Variants in UBAC2 observed in about 807,000 individuals in gnomAD.
UBAC2 encodes the protein UBA domain containing 2, also known as ubiquitin-associated domain-containing protein 2.
UBAC2 carries 26 observed loss-of-function variants against 44.0 expected under a neutral mutation model. That is an observed-to-expected ratio of 0.59 (90% CI 0.43 to 0.82). UBAC2 has a LOEUF of 0.82. Ranked by LOEUF, UBAC2 falls within the 40% of genes least tolerant of loss-of-function variation. The pLI, the probability that UBAC2 is intolerant of heterozygous loss-of-function variation, is 0.00. For missense variants in UBAC2, 329 were observed against 419.4 expected (o/e 0.78, Z 1.88); for synonymous variants, 155 against 154.3 (o/e 1.00, Z -0.04).
chr13:99,314,262 CT>C (rs57005833), intron 5 of UBAC2, 42 bp downstream of exon 5: 142,492 of 1,124,420 alleles, frequency 0.13, 129 homozygotes, highest in Middle Eastern at 0.19. Flanking sequence ...TTAACCAGAT[CT>C]TTTTTTTTTT....
chr13:99,318,108 C>T (rs370551534), intron 6 of UBAC2, 39 bp downstream of exon 6: 13 of 1,559,664 alleles, frequency 8.3e-6, no homozygotes, highest in Non-Finnish European at 1.1e-5. Context: ...TTCTCTCTCT[C>T]TCCTGTAAAA....
rs1555331218 is a variant in UBAC2 at position 99,347,319 on chromosome 13, G to GCCGCCCCCCCCC, written c.807+6756_807+6757insGCCCCCCCCCCC. The stretch of plus-strand genomic sequence containing the variant: ...GATTCAGACGTTACTATCCCCGGGC[G>GCCGCCCCCCCCC]CCCCCCCCCCCCCCCAGGAAAAAAA... On this transcript the variant is annotated intron_variant, in intron 7 of 8. Transcript: ENST00000403766. Among the ~76,000 whole-genome samples, 6 of 20,550 alleles carry GCCGCCCCCCCCC rather than the reference G, an allele frequency of 2.9e-4. 2 individuals are homozygous for GCCGCCCCCCCCC. The highest frequency in any genetic ancestry group is 3.8e-4 in the Non-Finnish European group (3 of 7,938). 13.5% of individuals were successfully genotyped at this position (20,550 alleles called of 152,430 possible).
chr13:99,345,741 C>CTT lies in UBAC2; in HGVS notation c.807+5194_807+5195dup, dbSNP rs766632532. Among the ~76,000 whole-genome samples, 1,185 of 130,914 alleles carry CTT rather than the reference C, an allele frequency of 9.1e-3. 11 individuals are homozygous for CTT. The highest frequency in any genetic ancestry group is 0.049 in the South Asian group (205 of 4,188). The allele number at this position is 130,914 out of a possible 152,430, so 85.9% of individuals were successfully genotyped here. On this transcript the variant is annotated intron_variant, in intron 7 of 8. Coordinates refer to ENST00000403766, the MANE Select transcript of UBAC2 (RefSeq NM_001144072.2). Reference sequence around the variant, plus strand: ...ACAGGTACTGTTTCTTTTTTTCTTTCTTTTTTTTTTTTTTTTTTTGAGACA... The same window carrying CTT: ...ACAGGTACTGTTTCTTTTTTTCTTTCTTTTTTTTTTTTTTTTTTTTTGAGACA...
At position 99,200,953 on chromosome 13, in the gene UBAC2, T is replaced by C. The variant is rs762595604; in HGVS notation, c.31+14T>C. 18 of 1,305,730 alleles carry C rather than the reference T, an allele frequency of 1.4e-5. No homozygotes were observed. In the Middle Eastern group the frequency reaches 1.2e-3, roughly 88 times the overall value. 80.9% of individuals were successfully genotyped at this position (1,305,730 alleles called of 1,614,324 possible). A position where few individuals can be genotyped will look rare whatever the true frequency, so the allele number is the denominator to read the frequency against. On this transcript the variant is annotated intron_variant, in intron 1 of 8. Coordinates refer to ENST00000403766, the MANE Select transcript of UBAC2 (RefSeq NM_001144072.2). The stretch of plus-strand genomic sequence containing the variant: ...CCAGTGGGCTCTGTGAGTACCGGCC[T>C]CCGCCATCCTGGCTGCCCCCTACAC...
chr13:99,332,674 G>A (rs2138811354), intron 6 of UBAC2, among the ~76,000 whole-genome samples: 1 of 152,304 alleles, frequency 6.6e-6, no homozygotes, highest in South Asian at 2.1e-4. Flanking sequence ...ACTCGAGCTT[G>A]TCTTCCCGGG....
At chr13:99,318,435 G>A (rs1030321131) in intron 6 of UBAC2, among the ~76,000 whole-genome samples, 2 of 151,460 alleles carry the variant, frequency 1.3e-5, no homozygotes, top group Non-Finnish European at 2.9e-5. Context: ...CCAAAGTGCT[G>A]GGATTACAGG....
chr13:99,255,601 T>G lies in UBAC2; in HGVS notation c.389+10977T>G, dbSNP rs750044310. 2.5e-6 allele frequency: 4 copies of G among 1,613,978 alleles called. No homozygotes were observed. The African/African-American group carries it at 5.3e-5, about 22-fold the overall frequency. On this transcript the variant is annotated intron_variant, in intron 4 of 8. Transcript: ENST00000403766. ...AGCTCCAAGAATCTGGCAGAAGTAC[T>G]CTCCAAATGGCCATTCATCTTTTGC...
At chr13:99,319,062 A>G (rs377701168) in intron 6 of UBAC2, among the ~76,000 whole-genome samples, 2 of 152,300 alleles carry the variant, frequency 1.3e-5, no homozygotes, top group South Asian at 4.1e-4. Flanking sequence ...GCCAACTGGA[A>G]AGTCAGGTGG....
chr13:99,268,416 G>A (rs770595311), intron 4 of UBAC2, among the ~76,000 whole-genome samples: 18 of 151,938 alleles, frequency 1.2e-4, no homozygotes, highest in Admixed American at 2.6e-4. Context: ...AGACCATCCT[G>A]GGCAACATAG....
At chr13:99,278,528 G>T (rs1036667694) in intron 4 of UBAC2, among the ~76,000 whole-genome samples, 3 of 151,954 alleles carry the variant, frequency 2.0e-5, no homozygotes, top group Admixed American at 6.6e-5. Context: ...TTTGAATTTG[G>T]GCTAAATAGC....
intron 4 of UBAC2, chr13:99,255,147 G>C: frequency 6.2e-7 from 1 of 1,614,038 alleles, no homozygotes; most frequent in Non-Finnish European, 8.5e-7. Flanking sequence ...TAAAGCAGAC[G>C]AGCACCTGCA....
intron 2 of UBAC2, among the ~76,000 whole-genome samples, chr13:99,242,685 A>AC (rs58095792): frequency 2.3e-5 from 2 of 87,704 alleles, no homozygotes; most frequent in Admixed American, 1.1e-4. Context: ...CGGGGGGCTG[A>AC]CCCCCCCCAC....
At chr13:99,216,834 C>CTTTTTTTTTTTTTTTT (rs11338165) in intron 1 of UBAC2, among the ~76,000 whole-genome samples, 95 of 140,620 alleles carry the variant, frequency 6.8e-4, no homozygotes, top group Non-Finnish European at 8.8e-4. Context: ...TTTCTTTTTT[C>CTTTTTTTTTTTTTTTT]TTTTTTTTTT....
chr13:99,218,062 C>T (rs1467286993), intron 1 of UBAC2, among the ~76,000 whole-genome samples: 2 of 152,164 alleles, frequency 1.3e-5, no homozygotes, highest in East Asian at 1.9e-4. Context: ...AGAGTTATTC[C>T]AACTGTTAAC....
At chr13:99,212,295 G>A (rs2042944717) in intron 1 of UBAC2, among the ~76,000 whole-genome samples, 1 of 152,088 alleles carries the variant, frequency 6.6e-6, no homozygotes, top group Non-Finnish European at 1.5e-5. Flanking sequence ...GGTACTATGA[G>A]GAGCTCCTGA....
At chr13:99,205,422 G>T (rs1233280328) in intron 1 of UBAC2, among the ~76,000 whole-genome samples, 1 of 152,154 alleles carries the variant, frequency 6.6e-6, no homozygotes, top group African/African-American at 2.4e-5. Context: ...GTCAAACGCT[G>T]CTCCTGTCCC....
intron 7 of UBAC2, among the ~76,000 whole-genome samples, chr13:99,356,723 G>A (rs999663751): frequency 6.6e-6 from 1 of 152,182 alleles, no homozygotes; most frequent in African/African-American, 2.4e-5. Flanking sequence ...ATCATGGGTG[G>A]CACTTCACAT....
rs1367302629 is a variant in UBAC2 at position 99,232,399 on chromosome 13, G to GAGAT, written c.32-6027_32-6026insGATA. ...AGACCCTGTCCATCCTTAGTTGAGA[G>GAGAT]ATATAGATATATATATATATATTCA... On this transcript the variant is annotated intron_variant, in intron 1 of 8. Transcript: ENST00000403766. Among the ~76,000 whole-genome samples, 326 of 109,964 alleles carry GAGAT rather than the reference G, an allele frequency of 3.0e-3. 17 individuals are homozygous for GAGAT. The highest frequency in any genetic ancestry group is 0.012 in the South Asian group (45 of 3,716). The allele number at this position is 109,964 out of a possible 152,430, so 72.1% of individuals were successfully genotyped here. A position where few individuals can be genotyped will look rare whatever the true frequency, so the allele number is the denominator to read the frequency against.
chr13:99,206,455 G>A (rs757036261), intron 1 of UBAC2, among the ~76,000 whole-genome samples: 2 of 152,210 alleles, frequency 1.3e-5, no homozygotes, highest in Non-Finnish European at 2.9e-5. Context: ...CACGCGTCCC[G>A]CAGCCGCTTC....
Sources: gnomAD v4.1 joint callset for allele counts (sites outside exome capture counted in the v4.1 genomes callset) on GRCh38, gnomAD v4.1.1 for gene constraint, MANE v1.5 for transcripts, NCBI Gene and HGNC (gene_info 2026-07-23, HGNC 2026-07-21) for gene names.